Variants in RABGGTB observed in about 807,000 individuals in gnomAD.
The protein encoded by RABGGTB is Rab geranylgeranyltransferase subunit beta.
In RABGGTB, 20 loss-of-function variants were observed where a neutral mutation model predicts 44.5. The ratio of observed to expected loss-of-function variants is 0.45; its 90% CI spans 0.32 to 0.65. The LOEUF (loss-of-function observed/expected upper bound fraction) is 0.65. Ranked by LOEUF, RABGGTB falls within the 30% of genes least tolerant of loss-of-function variation. The pLI is 0.05. For synonymous variants in RABGGTB, 128 were observed against 136.7 expected, an observed-to-expected ratio of 0.94 and a Z score of 0.44; for missense variants, 302 against 398.7, an observed-to-expected ratio of 0.76 and a Z score of 2.06.
intron 4 of RABGGTB, among the ~76,000 whole-genome samples, 186 bp from the exon 5 acceptor site, chr1:75,791,099 T>C (rs1264314108): frequency 6.6e-6 from 1 of 152,198 alleles, no homozygotes; most frequent in Non-Finnish European, 1.5e-5. Context: ...CAATTTGCTG[T>C]TATTTTTGAC....
Position 75,786,264 on chromosome 1 carries a change from T to A in RABGGTB, c.-8T>A, listed in dbSNP as rs141344826. 3,586 of 1,614,168 alleles carry A rather than the reference T, an allele frequency of 2.2e-3. 25 individuals are homozygous for A. In the Middle Eastern group the frequency reaches 0.044, roughly 20 times the overall value. On this transcript the variant is annotated 5_prime_UTR_variant, in exon 1 of 9. Transcript: ENST00000319942. ...AACTGACCCTGCTCTCTCCTTTCCC[T>A]GTTAGACATGGTAAGTGTGAGTTTA...
chr1:75,787,899 G>A (rs141027984), intron 2 of RABGGTB: 3 of 613,358 alleles, frequency 4.9e-6, no homozygotes, highest in Non-Finnish European at 9.3e-6. Flanking sequence ...GGTCAATGAT[G>A]TGTTGGCATG....
chr1:75,788,115 A>G (rs541775106), intron 2 of RABGGTB: 1 of 331,394 alleles, frequency 3.0e-6, no homozygotes, highest in South Asian at 2.5e-5. Flanking sequence ...GATTTGTGGG[A>G]TATATGGTAT....
At chr1:75,793,898 A>T (rs1164871701) in intron 7 of RABGGTB, 186 bp from the exon 8 acceptor site, 1 of 538,198 alleles carries the variant, frequency 1.9e-6, no homozygotes, top group African/African-American at 1.9e-5. Flanking sequence ...TTAATTGATT[A>T]TCTTTCATTC....
In RABGGTB at chr1:75,789,210, A is replaced by T. The variant is rs1212749406; in HGVS notation, c.163A>T (p.Thr55Ser). Reference sequence around the variant, plus strand: ...AATGAGTGGCATCTATTGGGGTCTGACAGTAATGGATCTCATGGGACAACT... The same window carrying T: ...AATGAGTGGCATCTATTGGGGTCTGTCAGTAATGGATCTCATGGGACAACT... ...LRMSGIYWGL[T>S]VMDLMGQLHR... The change falls in exon 3 of 9, where the codon ACA becomes TCA. Residue 55 changes from threonine (T) to serine (S), a missense_variant. Thr to Ser is a moderately conservative substitution (Grantham distance 58). Around this residue, in one of 2 missense-constraint regions of RABGGTB, gnomAD observed 89 missense variants for 75.0 expected, o/e 1.19. Coordinates refer to ENST00000319942, the MANE Select transcript of RABGGTB (RefSeq NM_004582.4). 3.7e-6 allele frequency: 6 copies of T among 1,613,996 alleles called. No homozygotes were observed. Among genetic ancestry groups the T allele is most frequent in the South Asian group, 1.1e-5 (1 of 91,090 alleles).
chr1:75,794,005 A>G, intron 7 of RABGGTB, 79 bp from the exon 8 acceptor site: 1 of 817,798 alleles, frequency 1.2e-6, no homozygotes, highest in East Asian at 2.4e-5. Flanking sequence ...TAAGAGTGAG[A>G]CTTAACCCAC....
At chr1:75,790,215 G>T in intron 4 of RABGGTB, 158 bp downstream of exon 4, 1 of 1,439,342 alleles carries the variant, frequency 6.9e-7, no homozygotes, top group South Asian at 1.5e-5. Flanking sequence ...CATGCACTGT[G>T]GTAGTTATAT....
At position 75,794,767 on chromosome 1, in the gene RABGGTB, A is replaced by G; in HGVS notation, c.*117A>G. Reference sequence around the variant, plus strand: ...AATATTTTGTATATTGTGTTAAATTAATTTTAATAAATTATATAATTATAC... The same window carrying G: ...AATATTTTGTATATTGTGTTAAATTGATTTTAATAAATTATATAATTATAC... On this transcript the variant is annotated 3_prime_UTR_variant, in exon 9 of 9. Transcript: ENST00000319942. The G allele has an allele frequency of 1.5e-6, 1 of 681,278 alleles. No homozygotes were observed. The highest frequency in any genetic ancestry group is 6.5e-5 in the South Asian group (1 of 15,348). The allele number at this position is 681,278 out of a possible 1,614,324, so 42.2% of individuals were successfully genotyped here.
intron 4 of RABGGTB, chr1:75,790,364 A>G (rs1649617282): frequency 8.3e-7 from 1 of 1,209,554 alleles, no homozygotes; most frequent in South Asian, 3.8e-5. Flanking sequence ...TTAAAAAAAA[A>G]AACTTTACAA....
At chr1:75,787,022 T>G in intron 1 of RABGGTB, 1 of 502,704 alleles carries the variant, frequency 2.0e-6, no homozygotes, top group Admixed American at 2.0e-5. Context: ...TTTTTACTTA[T>G]CTTTTTGAAT....
At chr1:75,787,801 A>G (rs1198830090) in intron 2 of RABGGTB, 197 bp downstream of exon 2, 13 of 680,566 alleles carry the variant, frequency 1.9e-5, no homozygotes, top group East Asian at 1.8e-4. Context: ...GTTTTTACCT[A>G]TACTGAGAGG....
Position 75,792,300 on chromosome 1 carries a change from G to A in RABGGTB, c.699G>A (p.Pro233=), listed in dbSNP as rs758697209. 31 of 1,613,556 alleles carry A rather than the reference G, an allele frequency of 1.9e-5. No homozygotes were observed. The highest frequency in any genetic ancestry group is 2.5e-5 in the Non-Finnish European group (29 of 1,179,698). Residue 233 remains proline, a synonymous_variant, in exon 7 of 9, where the codon CCG becomes CCA. Transcript: ENST00000319942. ...QLPSGGLNGR[P]EKLPDVCYSW... ...CCTCAGGCGGGCTCAATGGAAGGCC[G>A]GAGAAGGTATTGTTTGATAAGCCAT...
At chr1:75,793,116 A>G (rs973975812) in intron 7 of RABGGTB, among the ~76,000 whole-genome samples, 1 of 145,432 alleles carries the variant, frequency 6.9e-6, no homozygotes, top group Middle Eastern at 4.2e-3. Flanking sequence ...CTGACCCAGG[A>G]CTATATTTAA....
At chr1:75,789,922 A>G in intron 3 of RABGGTB, 30 bp from the exon 4 acceptor site, 1 of 1,486,006 alleles carries the variant, frequency 6.7e-7, no homozygotes, top group Non-Finnish European at 9.4e-7. Flanking sequence ...CCTGAAAGGG[A>G]CATTTACCTA....
At chr1:75,791,259 C>T in intron 4 of RABGGTB, 26 bp from the exon 5 acceptor site, 1 of 1,587,724 alleles carries the variant, frequency 6.3e-7, no homozygotes, top group East Asian at 2.2e-5. Flanking sequence ...TAACACCTGC[C>T]TTGATTTGAT....
chr1:75,792,067 G>A, intron 6 of RABGGTB, 114 bp from the exon 7 acceptor site: 1 of 916,308 alleles, frequency 1.1e-6, no homozygotes, highest in Non-Finnish European at 1.6e-6. Context: ...AATTTTAAGT[G>A]TCAGATCAAG....
chr1:75,790,491 G>A (rs1384218793), intron 4 of RABGGTB: 6 of 1,028,046 alleles, frequency 5.8e-6, no homozygotes, highest in South Asian at 9.2e-5. Context: ...TTCATGGGAT[G>A]TGAAAAATCT....
chr1:75,791,173 T>C (rs1649636699), intron 4 of RABGGTB, 112 bp from the exon 5 acceptor site: 1 of 943,938 alleles, frequency 1.1e-6, no homozygotes, highest in Non-Finnish European at 1.7e-6. Flanking sequence ...TACCCTAAAG[T>C]GAAAGTTAAG....
At chr1:75,790,249 CAG>C (rs1649614312) in intron 4 of RABGGTB, 192 bp downstream of exon 4, 3 of 1,263,692 alleles carry the variant, frequency 2.4e-6, no homozygotes, top group Non-Finnish European at 2.0e-6. Flanking sequence ...AGCACTGGAA[CAG>C]AGGGGGCCAG....
Sources: allele counts gnomAD v4.1 joint callset (sites outside exome capture counted in the v4.1 genomes callset), GRCh38; gene constraint gnomAD v4.1.1; regional missense constraint gnomAD v4.1.1; transcripts MANE v1.5; gene names NCBI Gene and HGNC (gene_info 2026-07-23, HGNC 2026-07-21).